The following CUBN variants were observed in gnomAD, a reference collection of about 807,000 sequenced individuals.
CUBN encodes 460 kDa receptor.
In CUBN, 282 loss-of-function variants were observed where a neutral mutation model predicts 405.3. That is an observed-to-expected ratio of 0.70 (90% confidence interval 0.63 to 0.77). The LOEUF is 0.77. Among genes scored for constraint, CUBN ranks in the 30% least tolerant of loss-of-function variants. CUBN has a pLI of 0.00. For missense variants in CUBN, 4,514 were observed against 4,475.2 expected (o/e 1.01, Z -0.25); for synonymous variants, 1,684 against 1,617.0 (o/e 1.04, Z -0.99).
chr10:16,942,169 T>C (rs752706898), intron 36 of CUBN, among the ~76,000 whole-genome samples: 1 of 152,206 alleles, frequency 6.6e-6, no homozygotes, highest in Non-Finnish European at 1.5e-5. Flanking sequence ...AGATCAATTG[T>C]TGACAAGCGT....
chr10:16,894,762 A>G (rs1841132834), intron 54 of CUBN, among the ~76,000 whole-genome samples: 1 of 152,348 alleles, frequency 6.6e-6, no homozygotes, highest in African/African-American at 2.4e-5. Flanking sequence ...TAGGAATTGC[A>G]TTAAACCTAT....
intron 41 of CUBN, among the ~76,000 whole-genome samples, chr10:16,927,091 C>T (rs1842213799): frequency 6.6e-6 from 1 of 151,886 alleles, no homozygotes; most frequent in South Asian, 2.1e-4. Context: ...TAGACACACA[C>T]ACATATTTAT....
intron 54 of CUBN, among the ~76,000 whole-genome samples, chr10:16,891,506 C>T (rs185653048): frequency 1.1e-3 from 164 of 152,152 alleles, no homozygotes; most frequent in African/African-American, 3.8e-3. Context: ...GTTAGAGACT[C>T]GGGCCACTGT....
intron 7 of CUBN, among the ~76,000 whole-genome samples, chr10:17,114,739 G>A (rs1289397404): frequency 2.0e-5 from 3 of 152,166 alleles, no homozygotes; most frequent in African/African-American, 2.4e-5. Flanking sequence ...TCATCAGGAC[G>A]CAGGGCATGG....
intron 40 of CUBN, among the ~76,000 whole-genome samples, chr10:16,932,734 T>C (rs1842394990): frequency 6.6e-6 from 1 of 152,170 alleles, no homozygotes. Context: ...ACATTACAAT[T>C]ATAAGTATTT....
At chr10:16,907,451 G>A in intron 49 of CUBN, 57 bp downstream of exon 49, 1 of 1,559,404 alleles carries the variant, frequency 6.4e-7, no homozygotes, top group African/African-American at 1.4e-5. Flanking sequence ...GCAGTAGATG[G>A]GGGCATCTGC....
chr10:17,019,171 T>G (rs953469992), intron 28 of CUBN, among the ~76,000 whole-genome samples: 1 of 152,196 alleles, frequency 6.6e-6, no homozygotes, highest in Non-Finnish European at 1.5e-5. Flanking sequence ...CACTTGCAGA[T>G]TGGCCCACCT....
intron 59 of CUBN, among the ~76,000 whole-genome samples, chr10:16,856,324 A>G (rs1052839757): frequency 1.3e-5 from 2 of 152,086 alleles, no homozygotes; most frequent in African/African-American, 4.8e-5. Flanking sequence ...TCCAAGAACA[A>G]ACGTCACTCT....
chr10:16,973,057 A>T (rs1397092411), intron 31 of CUBN, among the ~76,000 whole-genome samples: 2 of 152,106 alleles, frequency 1.3e-5, no homozygotes, highest in African/African-American at 4.8e-5. Flanking sequence ...CTGACTCCAT[A>T]CTACCTATAG....
intron 48 of CUBN, among the ~76,000 whole-genome samples, chr10:16,909,654 A>G (rs1841665181): frequency 6.6e-6 from 1 of 152,240 alleles, no homozygotes. Context: ...TTGGCATAGA[A>G]TCACAATGAC....
chr10:17,122,953 G>A, intron 5 of CUBN, 55 bp from the exon 6 acceptor site: 1 of 1,200,074 alleles, frequency 8.3e-7, no homozygotes, highest in Non-Finnish European at 1.2e-6. Flanking sequence ...GGTATCTGGA[G>A]CGAACATTCA....
rs140566726 is a variant in CUBN, at chr10:16,836,339, G to A, written c.10076C>T (p.Ser3359Leu). Reference protein sequence around the residue: ...SRFQFCGRNASAVPVFYSSMS... With the variant: ...SRFQFCGRNALAVPVFYSSMS... ...AGAAGAATAAAACACTGGCACAGCC[G>A]AAGCATTTCTGCCACAGAACTGAAA... Residue 3359 changes from serine to leucine, a missense_variant, in exon 63 of 67, where the codon TCG becomes TTG. Transcript: ENST00000377833. 8.0e-5 allele frequency: 129 copies of A among 1,613,836 alleles called. No individual in the cohort carries two copies. Among genetic ancestry groups the A allele is most frequent in the Middle Eastern group, 4.9e-4 (3 of 6,062 alleles).
intron 36 of CUBN, among the ~76,000 whole-genome samples, chr10:16,942,767 G>A (rs2131611455): frequency 6.8e-6 from 1 of 146,094 alleles, no homozygotes; most frequent in Non-Finnish European, 1.5e-5. Flanking sequence ...AACAGGAAAG[G>A]GGAAAGGGTA....
chr10:17,040,069 T>A (rs1412669858), intron 27 of CUBN, among the ~76,000 whole-genome samples: 2 of 152,128 alleles, frequency 1.3e-5, no homozygotes, highest in Admixed American at 6.6e-5. Context: ...AATAACATAT[T>A]TTTTCCTGGG....
Position 17,085,655 on chromosome 10 carries a change from G to C in CUBN, c.2052C>G (p.Phe684Leu). ...GGTCACTAATCTGGGAGTCTGAATGGAAGTGAATTCTGGCAAAGGGGCCAG... is the reference window on the plus strand; with the variant it reads ...GGTCACTAATCTGGGAGTCTGAATGCAAGTGAATTCTGGCAAAGGGGCCAG... ...QTTGPFARIH[F>L]HSDSQISDQG... Residue 684 changes from phenylalanine (F) to leucine (L), a missense_variant, in exon 16 of 67, where the codon TTC becomes TTG. Phe to Leu is a conservative substitution (Grantham distance 22). Around this residue, in one of 5 missense-constraint regions of CUBN, gnomAD observed 1,448 missense variants for 1,388.0 expected, o/e 1.04. Coordinates refer to ENST00000377833, the MANE Select transcript of CUBN (RefSeq NM_001081.4). 6.2e-7 allele frequency: 1 copy of C among 1,614,098 alleles called. No individual in the cohort carries two copies. Among genetic ancestry groups the C allele is most frequent in the Non-Finnish European group, 8.5e-7 (1 of 1,180,000 alleles).
At chr10:16,864,262 C>T (rs187479003) in intron 59 of CUBN, among the ~76,000 whole-genome samples, 90 of 152,210 alleles carry the variant, frequency 5.9e-4, no homozygotes, top group African/African-American at 1.8e-3. Context: ...TAGGATTTGA[C>T]GGTTAGGTGT....
chr10:16,981,494 G>A (rs1295675359), intron 31 of CUBN, among the ~76,000 whole-genome samples: 1 of 152,144 alleles, frequency 6.6e-6, no homozygotes, highest in Non-Finnish European at 1.5e-5. Context: ...CACTGAGCTG[G>A]TTAACACTTA....
At chr10:16,908,756 T>G (rs74373919) in intron 48 of CUBN, among the ~76,000 whole-genome samples, 1,639 of 152,344 alleles carry the variant, frequency 0.011, 28 homozygotes, top group African/African-American at 0.038. Context: ...ATTGAATGGT[T>G]GATATTCCCA....
chr10:16,855,349 C>T (rs184235263), intron 59 of CUBN, among the ~76,000 whole-genome samples: 9 of 152,076 alleles, frequency 5.9e-5, no homozygotes, highest in South Asian at 2.1e-4. Flanking sequence ...CTACGACTTG[C>T]TTTAGAATGA....
Sources: allele counts gnomAD v4.1 joint callset (sites outside exome capture counted in the v4.1 genomes callset), GRCh38; gene constraint gnomAD v4.1.1; regional missense constraint gnomAD v4.1.1; transcripts MANE v1.5; gene names NCBI Gene and HGNC (gene_info 2026-07-23, HGNC 2026-07-21).